LARGE1: variants seen among roughly 807,000 people sequenced by gnomAD.
The protein encoded by LARGE1 is LARGE xylosyl- and glucuronyltransferase 1.
A neutral mutation model predicts 87.6 loss-of-function variants in LARGE1; 43 were observed. That is an observed-to-expected ratio of 0.49 (90% CI 0.38 to 0.63). LARGE1 has a LOEUF of 0.63. LARGE1 is among the 30% of genes least tolerant of loss of function. LARGE1 has a pLI of 0.00. For missense variants in LARGE1, 802 were observed against 1,000.2 expected, an observed-to-expected ratio of 0.80 and a Z score of 2.67; for synonymous variants, 434 against 394.6, an observed-to-expected ratio of 1.10 and a Z score of -1.18.
chr22:33,615,031 G>A (rs1379198382), intron 4 of LARGE1, among the ~76,000 whole-genome samples: 1 of 152,180 alleles, frequency 6.6e-6, no homozygotes, highest in Non-Finnish European at 1.5e-5. Flanking sequence ...CAGTTCTGAG[G>A]AGGCCATTCC....
chr22:33,626,422 T>A, intron 3 of LARGE1, 96 bp from the exon 4 acceptor site: 1 of 918,004 alleles, frequency 1.1e-6, no homozygotes, highest in Non-Finnish European at 1.8e-6. Context: ...TGCCCTGATT[T>A]CTTGTTGGCA....
At chr22:33,480,790 A>G (rs1336495734) in intron 6 of LARGE1, among the ~76,000 whole-genome samples, 1 of 152,224 alleles carries the variant, frequency 6.6e-6, no homozygotes, top group Non-Finnish European at 1.5e-5. Context: ...TTAGATATAC[A>G]GATATATTTT....
At chr22:33,826,710 C>T (rs1338732419) in intron 1 of LARGE1, among the ~76,000 whole-genome samples, 1 of 152,158 alleles carries the variant, frequency 6.6e-6, no homozygotes, top group African/African-American at 2.4e-5. Flanking sequence ...CTTCTCTCAT[C>T]TCAGGATCCT....
rs558198742 is a variant in LARGE1, at chr22:33,175,739, A to G, written c.1731-8907T>C. On this transcript the variant is annotated intron_variant, in intron 11 of 11. Coordinates refer to the LARGE1 transcript ENST00000608642. Reference sequence around the variant, plus strand: ...AAATAGCCATACTGCCCAAAGTAATATATAGATTCAATGCTATCCCCATCA... The same window carrying G: ...AAATAGCCATACTGCCCAAAGTAATGTATAGATTCAATGCTATCCCCATCA... 3.9e-5 allele frequency among the ~76,000 whole-genome samples: 6 copies of G among 152,242 alleles called. No homozygotes were observed. The East Asian group carries it at 1.2e-3, about 29-fold the overall frequency.
intron 1 of LARGE1, among the ~76,000 whole-genome samples, chr22:33,789,765 A>C (rs555819528): frequency 6.6e-6 from 1 of 152,242 alleles, no homozygotes; most frequent in East Asian, 1.9e-4. Context: ...TAGTTCCTTC[A>C]TTTTGGCCAA....
intron 11 of LARGE1, among the ~76,000 whole-genome samples, chr22:33,239,535 C>CTTTTTTTTTT (rs71187254): frequency 3.1e-5 from 3 of 95,314 alleles, no homozygotes; most frequent in Admixed American, 1.3e-4. Flanking sequence ...TTTTTCTTTT[C>CTTTTTTTTTT]TTTTTTTTTT....
intron 6 of LARGE1, among the ~76,000 whole-genome samples, chr22:33,535,113 G>A (rs1232103475): frequency 1.3e-5 from 2 of 152,250 alleles, no homozygotes; most frequent in Non-Finnish European, 2.9e-5. Flanking sequence ...TAGAGGAGGG[G>A]CTGAGGGGCC....
chr22:33,905,899 G>A (rs527944786), intron 1 of LARGE1, among the ~76,000 whole-genome samples: 3 of 152,244 alleles, frequency 2.0e-5, no homozygotes, highest in Admixed American at 6.5e-5. Context: ...GGAGGCTGAG[G>A]AGGGTGTATC....
chr22:33,905,973 T>C (rs998621097), intron 1 of LARGE1, among the ~76,000 whole-genome samples: 9 of 151,740 alleles, frequency 5.9e-5, no homozygotes, highest in Non-Finnish European at 1.0e-4. Flanking sequence ...CTACTAAAAA[T>C]ACAAAAATTA....
chr22:33,720,736 C>T (rs962258833), intron 2 of LARGE1, among the ~76,000 whole-genome samples: 2 of 152,210 alleles, frequency 1.3e-5, no homozygotes, highest in African/African-American at 4.8e-5. Context: ...ACAGGGCCTA[C>T]ATCTCACAGA....
chr22:33,751,926 C>T (rs2084334544), intron 2 of LARGE1, among the ~76,000 whole-genome samples: 2 of 152,090 alleles, frequency 1.3e-5, no homozygotes, highest in African/African-American at 2.4e-5. Flanking sequence ...CTAATTACTA[C>T]CTAATTACTA....
chr22:33,698,419 G>T (rs2082316736), intron 2 of LARGE1, among the ~76,000 whole-genome samples: 1 of 151,388 alleles, frequency 6.6e-6, no homozygotes, highest in Admixed American at 6.6e-5. Flanking sequence ...TCTTGCCTCA[G>T]CCCCCTGAGT....
Position 33,604,456 on chromosome 22 carries a change from G to T in LARGE1, c.594C>A (p.Phe198Leu), listed in dbSNP as rs1569305972. ...TWMVPAVRVD[F>L]YNADELKSEV... The stretch of plus-strand genomic sequence containing the variant: ...ATACCTTGAGCTCGTCTGCATTGTA[G>T]AAGTCCACACGCACAGCGGGCACCA... The change falls in exon 5 of 15, where the codon TTC becomes TTA. Residue 198 changes from phenylalanine (F) to leucine (L), a missense_variant. Transcript: ENST00000397394. 3 of 1,614,118 alleles carry T rather than the reference G, an allele frequency of 1.9e-6. No homozygotes were observed. The highest frequency in any genetic ancestry group is 2.5e-6 in the Non-Finnish European group (3 of 1,179,994).
In LARGE1 at chr22:33,570,841, T is replaced by G. The variant is rs896626886; in HGVS notation, c.616-5822A>C. ...CACACTGGTATTAATCTCATTTCCATGCCGCAACACACTTCAGTCCAACCA... is the reference window on the plus strand; with the variant it reads ...CACACTGGTATTAATCTCATTTCCAGGCCGCAACACACTTCAGTCCAACCA... On this transcript the variant is annotated intron_variant, in intron 5 of 14. Coordinates refer to ENST00000397394, the MANE Select transcript of LARGE1 (RefSeq NM_133642.5). Among the ~76,000 whole-genome samples, 12 of 151,950 alleles carry G rather than the reference T, an allele frequency of 7.9e-5. No homozygotes were observed. The East Asian group carries it at 2.3e-3, about 30-fold the overall frequency.
At chr22:33,425,658 C>T (rs2066850407) in intron 7 of LARGE1, among the ~76,000 whole-genome samples, 1 of 152,194 alleles carries the variant, frequency 6.6e-6, no homozygotes. Flanking sequence ...GGCAGTTTGT[C>T]CCTAATTTAT....
At chr22:33,871,305 G>C (rs977353155) in intron 1 of LARGE1, among the ~76,000 whole-genome samples, 1 of 152,186 alleles carries the variant, frequency 6.6e-6, no homozygotes, top group African/African-American at 2.4e-5. Context: ...GTAAAATAAA[G>C]CTCCTGTCTT....
At chr22:33,773,407 G>A (rs60930656) in intron 1 of LARGE1, among the ~76,000 whole-genome samples, 20,872 of 152,232 alleles carry the variant, frequency 0.14, 1,624 homozygotes, top group Middle Eastern at 0.25. Context: ...ATCCTGCTGC[G>A]AAGTCAAATT....
chr22:33,432,506 C>G (rs1041851126), intron 6 of LARGE1, among the ~76,000 whole-genome samples: 1 of 152,180 alleles, frequency 6.6e-6, no homozygotes, highest in South Asian at 2.1e-4. Context: ...AGGCCCAGAA[C>G]AGTTAACTGA....
intron 10 of LARGE1, among the ~76,000 whole-genome samples, chr22:33,321,568 T>C (rs560786038): frequency 6.6e-6 from 1 of 152,364 alleles, no homozygotes; most frequent in South Asian, 2.1e-4. Flanking sequence ...TTGGCTTTTT[T>C]TTCCTTTGGT....
Sources: gnomAD v4.1 joint callset for allele counts (sites outside exome capture counted in the v4.1 genomes callset) on GRCh38, gnomAD v4.1.1 for gene constraint, MANE v1.5 for transcripts, NCBI Gene and HGNC (gene_info 2026-07-23, HGNC 2026-07-21) for gene names.